Variants in AFAP1L1 observed in about 807,000 individuals in gnomAD.
AFAP1L1 encodes the protein actin filament associated protein 1 like 1.
AFAP1L1 carries 77 observed loss-of-function variants against 99.8 expected under a neutral mutation model. The ratio of observed to expected loss-of-function variants is 0.77; its 90% CI spans 0.64 to 0.93. AFAP1L1 has a LOEUF of 0.93. AFAP1L1 is among the 40% of genes least tolerant of loss of function. The probability of loss-of-function intolerance (pLI) is 0.00; values close to 1 mark genes in which losing one functional copy is unlikely to be tolerated. For missense variants in AFAP1L1, 893 were observed against 996.8 expected, an observed-to-expected ratio of 0.90 and a Z score of 1.40; for synonymous variants, 373 against 395.3, an observed-to-expected ratio of 0.94 and a Z score of 0.67.
At chr5:149,286,432 AT>A (rs772776023) in intron 1 of AFAP1L1, among the ~76,000 whole-genome samples, 25 of 152,330 alleles carry the variant, frequency 1.6e-4, no homozygotes, top group Non-Finnish European at 2.8e-4. Flanking sequence ...ATAGTAAAAA[AT>A]AATTTTTAAA....
At chr5:149,337,600 C>T (rs550756287) in intron 18 of AFAP1L1, among the ~76,000 whole-genome samples, 1 of 152,172 alleles carries the variant, frequency 6.6e-6, no homozygotes, top group South Asian at 2.1e-4. Flanking sequence ...CATTTCACAG[C>T]GGAGAAGACT....
At chr5:149,339,505 T>G (rs1010212151) in intron 18 of AFAP1L1, among the ~76,000 whole-genome samples, 13 of 152,178 alleles carry the variant, frequency 8.5e-5, no homozygotes, top group Middle Eastern at 3.2e-3. Flanking sequence ...TAAAACTTAT[T>G]TACAGGCACT....
intron 1 of AFAP1L1, among the ~76,000 whole-genome samples, chr5:149,278,100 G>A (rs1214051428): frequency 6.6e-6 from 1 of 152,034 alleles, no homozygotes; most frequent in African/African-American, 2.4e-5. Context: ...TCTCATCTTT[G>A]GTCCAGAAAA....
intron 1 of AFAP1L1, among the ~76,000 whole-genome samples, chr5:149,288,738 T>C (rs1239797074): frequency 6.6e-6 from 1 of 152,202 alleles, no homozygotes; most frequent in Non-Finnish European, 1.5e-5. Flanking sequence ...GGCCTTCCTC[T>C]ACCCCCTCCT....
At chr5:149,317,062 G>A (rs1229370746) in intron 11 of AFAP1L1, among the ~76,000 whole-genome samples, 2 of 152,164 alleles carry the variant, frequency 1.3e-5, no homozygotes, top group Non-Finnish European at 2.9e-5. Flanking sequence ...CTACTTGGGA[G>A]GCTGAGGTGG....
intron 16 of AFAP1L1, 98 bp downstream of exon 16, chr5:149,329,928 C>T: frequency 8.5e-7 from 1 of 1,179,850 alleles, no homozygotes; most frequent in East Asian, 3.1e-5. Context: ...TGGTTTCTTA[C>T]CCAAGAGAAG....
At chr5:149,299,454 G>C (rs556586162) in intron 1 of AFAP1L1, 55 bp from the exon 2 acceptor site, 1 of 1,599,420 alleles carries the variant, frequency 6.3e-7, no homozygotes, top group Non-Finnish European at 8.5e-7. Context: ...CGAACTCCCG[G>C]GCACAGAGCT....
At chr5:149,322,242 A>T (rs1420050420) in intron 14 of AFAP1L1, among the ~76,000 whole-genome samples, 1 of 152,114 alleles carries the variant, frequency 6.6e-6, no homozygotes, top group Non-Finnish European at 1.5e-5. Flanking sequence ...TTCTTGAGGG[A>T]AGACTGTTTT....
chr5:149,289,613 A>T (rs1175243344), intron 1 of AFAP1L1, among the ~76,000 whole-genome samples: 1 of 152,178 alleles, frequency 6.6e-6, no homozygotes, highest in Admixed American at 6.5e-5. Context: ...TTTGGCCTTC[A>T]CTTGGACTCA....
At chr5:149,318,083 C>A in intron 12 of AFAP1L1, 143 bp downstream of exon 12, 6 of 942,008 alleles carry the variant, frequency 6.4e-6, no homozygotes, top group Non-Finnish European at 9.3e-6. Context: ...TGTCAGGTGA[C>A]CCAAGTAGAT....
At chr5:149,275,455 TTCTTCC>T (rs144912345) in intron 1 of AFAP1L1, among the ~76,000 whole-genome samples, 12,029 of 151,892 alleles carry the variant, frequency 0.079, 625 homozygotes, top group Middle Eastern at 0.23. Flanking sequence ...CTTCTTCTTC[TTCTTCC>T]TCTTCCTCTT....
chr5:149,323,455 T>C (rs1486940165), intron 15 of AFAP1L1, among the ~76,000 whole-genome samples: 1 of 152,276 alleles, frequency 6.6e-6, no homozygotes, highest in Non-Finnish European at 1.5e-5. Context: ...TTTATCTTTA[T>C]GAACAAGCCA....
At chr5:149,306,248 TG>T in intron 5 of AFAP1L1, 57 bp from the exon 6 acceptor site, 4 of 1,470,696 alleles carry the variant, frequency 2.7e-6, no homozygotes, top group Non-Finnish European at 3.7e-6. Context: ...CCCCCAGTCC[TG>T]GCCCCTGGAG....
chr5:149,319,461 A>C, intron 12 of AFAP1L1, 121 bp from the exon 13 acceptor site: 1 of 1,138,876 alleles, frequency 8.8e-7, no homozygotes, highest in Non-Finnish European at 1.2e-6. Flanking sequence ...TTCCTCTTTG[A>C]CCCGAGTATC....
At chr5:149,298,590 C>T (rs1381975089) in intron 1 of AFAP1L1, among the ~76,000 whole-genome samples, 1 of 152,154 alleles carries the variant, frequency 6.6e-6, no homozygotes, top group Non-Finnish European at 1.5e-5. Flanking sequence ...TTGTTCAGTA[C>T]AGGTTAGCTT....
intron 1 of AFAP1L1, among the ~76,000 whole-genome samples, chr5:149,275,976 A>G (rs1210362396): frequency 6.6e-6 from 1 of 152,210 alleles, no homozygotes; most frequent in African/African-American, 2.4e-5. Context: ...CATAACAACA[A>G]GCTTAGGTCA....
intron 1 of AFAP1L1, among the ~76,000 whole-genome samples, chr5:149,282,982 G>A (rs1299828847): frequency 6.6e-6 from 1 of 152,202 alleles, no homozygotes; most frequent in East Asian, 1.9e-4. Context: ...AAGTGGGAAT[G>A]AGAACACTGA....
intron 16 of AFAP1L1, among the ~76,000 whole-genome samples, chr5:149,331,919 G>C (rs1251933184): frequency 6.6e-6 from 1 of 152,028 alleles, no homozygotes; most frequent in African/African-American, 2.4e-5. Context: ...GCCAACCCAA[G>C]CAGAGAGAGC....
At chr5:149,323,898 G>A (rs1469875753) in intron 15 of AFAP1L1, among the ~76,000 whole-genome samples, 1 of 152,234 alleles carries the variant, frequency 6.6e-6, no homozygotes, top group Non-Finnish European at 1.5e-5. Flanking sequence ...ATCACCGAAT[G>A]TCAACGACAA....
Sources: gnomAD v4.1 joint callset for allele counts (sites outside exome capture counted in the v4.1 genomes callset) on GRCh38, gnomAD v4.1.1 for gene constraint, MANE v1.5 for transcripts, NCBI Gene and HGNC (gene_info 2026-07-23, HGNC 2026-07-21) for gene names.